USP42: variants seen among roughly 807,000 people sequenced by gnomAD.
USP42 encodes the protein ubiquitin specific peptidase 42.
A neutral mutation model predicts 113.0 loss-of-function variants in USP42; 23 were observed. The ratio of observed to expected loss-of-function variants is 0.20; its 90% confidence interval spans 0.15 to 0.29. The LOEUF is 0.29. Ranked by LOEUF, USP42 falls within the 10% of genes least tolerant of loss-of-function variation. USP42 has a pLI of 1.00. For synonymous variants in USP42, 933 were observed against 699.0 expected, an observed-to-expected ratio of 1.33 and a Z score of -5.28; for missense variants, 2,174 against 1,779.8, an observed-to-expected ratio of 1.22 and a Z score of -3.99.
chr7:6,107,385 T>C (rs1313564996), intron 1 of USP42, among the ~76,000 whole-genome samples: 1 of 151,890 alleles, frequency 6.6e-6, no homozygotes, highest in Non-Finnish European at 1.5e-5. Context: ...CTTACAACTC[T>C]ATTTGGGCTT....
Position 6,145,499 on chromosome 7 carries a change from T to C in USP42, c.991-17T>C, listed in dbSNP as rs753588505. 3.7e-6 allele frequency: 6 copies of C among 1,613,854 alleles called. No homozygotes were observed. The highest frequency in any genetic ancestry group is 5.1e-6 in the Non-Finnish European group (6 of 1,179,778). ...TGTGCCCTCGGAAATGTTTCTCCTG[T>C]TTCCATTTCCTTCTAGGATGTGAAA... is the stretch of plus-strand genomic sequence containing the variant. On this transcript the variant is annotated splice_polypyrimidine_tract_variant and intron_variant, in intron 9 of 17. Transcript: ENST00000306177.
upstream of USP42, among the ~76,000 whole-genome samples, chr7:6,104,426 G>C (rs969740440): frequency 6.6e-6 from 1 of 152,244 alleles, no homozygotes; most frequent in Non-Finnish European, 1.5e-5. Flanking sequence ...GCGTCCGCTA[G>C]GCCAAGGGAG....
chr7:6,134,081 C>T (rs1294785062), intron 3 of USP42, among the ~76,000 whole-genome samples: 1 of 151,838 alleles, frequency 6.6e-6, no homozygotes, highest in Non-Finnish European at 1.5e-5. Flanking sequence ...TTAGTAGAGA[C>T]GGGGTTTCAC....
At chr7:6,102,302 CAG>C (rs1790151161), upstream of USP42, among the ~76,000 whole-genome samples, 1 of 149,722 alleles carries the variant, frequency 6.7e-6, no homozygotes, top group Admixed American at 6.6e-5. Context: ...TTAGTAGAGA[CAG>C]AGTTTCAGCA....
the USP42 span, among the ~76,000 whole-genome samples, chr7:6,097,565 C>T: frequency 4.0e-5 from 6 of 150,484 alleles, no homozygotes; most frequent in African/African-American, 1.5e-4. Flanking sequence ...AGCCACTGCG[C>T]CCAGCCATGT....
chr7:6,144,012 A>G (rs1781572142), intron 8 of USP42, 73 bp from the exon 9 acceptor site: 1 of 1,008,978 alleles, frequency 9.9e-7, no homozygotes, highest in African/African-American at 1.7e-5. Flanking sequence ...GAATAGTAAC[A>G]AGAAAGACCA....
At chr7:6,149,448 T>G in intron 12 of USP42, 135 bp from the exon 13 acceptor site, 1 of 1,110,950 alleles carries the variant, frequency 9.0e-7, no homozygotes, top group Non-Finnish European at 1.2e-6. Context: ...ACAGAGAACA[T>G]TTCCAGGTGT....
intron 4 of USP42, among the ~76,000 whole-genome samples, chr7:6,136,645 A>C (rs1781167621): frequency 6.6e-6 from 1 of 152,166 alleles, no homozygotes; most frequent in South Asian, 2.1e-4. Context: ...AATTAGTTTC[A>C]GTTTGGTGAA....
chr7:6,140,566 G>A (rs1448341630), intron 6 of USP42, among the ~76,000 whole-genome samples: 1 of 152,192 alleles, frequency 6.6e-6, no homozygotes, highest in African/African-American at 2.4e-5. Context: ...TGGAGCATCC[G>A]TGCACACATG....
In USP42 at chr7:6,149,949, A is replaced by T. The variant is rs757160153; in HGVS notation, c.1753A>T (p.Ser585Cys). 3 of 1,613,890 alleles carry T rather than the reference A, an allele frequency of 1.9e-6. No homozygotes were observed. The Admixed American group carries it at 5.0e-5, about 27-fold the overall frequency. ...TAAAGTAACAAAACCGATCCCCCGC[A>T]GTGAATCCTGCTCCCAGCCCGTGAT... ...SSKVTKPIPR[S>C]ESCSQPVMNG... Residue 585 changes from serine to cysteine, a missense_variant, in exon 13 of 18, where the codon AGT becomes TGT. By Grantham distance (112) the Ser-to-Cys change is moderately radical. Coordinates refer to ENST00000306177, the MANE Select transcript of USP42 (RefSeq NM_032172.3).
chr7:6,156,251 A>C (rs1375708898), intron 15 of USP42, among the ~76,000 whole-genome samples: 3 of 152,234 alleles, frequency 2.0e-5, no homozygotes, highest in African/African-American at 4.8e-5. Flanking sequence ...TCTCAGGCAC[A>C]TGGGAGGGAA....
intron 17 of USP42, 43 bp from the exon 18 acceptor site, chr7:6,160,497 AGCCCTACACGCCGCC>A (rs1223135130): frequency 6.6e-6 from 1 of 152,066 alleles, no homozygotes. Flanking sequence ...TCCGGGAATA[AGCCCTACACGCCGCC>A]GCCTGCCTCC....
At chr7:6,137,423 A>G (rs960764165) in intron 4 of USP42, among the ~76,000 whole-genome samples, 55 of 151,990 alleles carry the variant, frequency 3.6e-4, no homozygotes, top group Admixed American at 2.9e-3. Flanking sequence ...CAGTGGCACG[A>G]TCTTGGCTCA....
chr7:6,091,047 T>C, the USP42 span, among the ~76,000 whole-genome samples: 1 of 150,820 alleles, frequency 6.6e-6, no homozygotes, highest in Non-Finnish European at 1.5e-5. Flanking sequence ...GCAGCAAGCC[T>C]TCCTTGGCCT....
At chr7:6,143,986 A>AAT in intron 8 of USP42, 99 bp from the exon 9 acceptor site, 1 of 686,464 alleles carries the variant, frequency 1.5e-6, no homozygotes, top group Non-Finnish European at 2.3e-6. Flanking sequence ...TTGGAACCTT[A>AAT]ATATGTAATG....
intron 2 of USP42, among the ~76,000 whole-genome samples, chr7:6,114,678 A>ATTTTTTTTTTTTTTTTTTT (rs869283400): frequency 5.3e-5 from 1 of 18,882 alleles, no homozygotes; most frequent in Non-Finnish European, 7.5e-5. Context: ...ATATATATAT[A>ATTTTTTTTTTTTTTTTTTT]TTTTTTTTTT....
At chr7:6,109,847 C>T (rs6979838) in intron 1 of USP42, among the ~76,000 whole-genome samples, 25,780 of 151,526 alleles carry the variant, frequency 0.17, 3,695 homozygotes, top group East Asian at 0.72. Context: ...ATTACAGGTA[C>T]GTGCCACCAC....
intron 15 of USP42, among the ~76,000 whole-genome samples, chr7:6,156,520 G>C (rs1227047209): frequency 6.6e-6 from 1 of 152,146 alleles, no homozygotes; most frequent in African/African-American, 2.4e-5. Context: ...TGCAGTCGTA[G>C]CTCACTGCAG....
chr7:6,099,327 G>A, the USP42 span, among the ~76,000 whole-genome samples: 2 of 143,136 alleles, frequency 1.4e-5, no homozygotes, highest in Admixed American at 1.4e-4. Flanking sequence ...AGATTCTCCT[G>A]CCTTAGCCTC....
Sources: gnomAD v4.1 joint callset for allele counts (sites outside exome capture counted in the v4.1 genomes callset) on GRCh38, gnomAD v4.1.1 for gene constraint, MANE v1.5 for transcripts, NCBI Gene and HGNC (gene_info 2026-07-23, HGNC 2026-07-21) for gene names.